The following ZNF423 variants were observed in gnomAD, a reference collection of about 807,000 sequenced individuals.
ZNF423 encodes Ebf-associated zinc finger protein.
Under a neutral mutation model 95.8 loss-of-function variants are expected in ZNF423, and 12 were observed. That is an observed-to-expected ratio of 0.13 (90% CI 0.08 to 0.20). ZNF423 has a LOEUF of 0.20. ZNF423 is among the 10% of genes least tolerant of loss of function. The pLI is 1.00. For synonymous variants in ZNF423, 749 were observed against 711.9 expected (o/e 1.05, Z -0.83); for missense variants, 1,316 against 1,737.1 (o/e 0.76, Z 4.31).
intron 5 of ZNF423, among the ~76,000 whole-genome samples, chr16:49,559,576 G>C (rs1456497301): frequency 6.6e-6 from 1 of 152,164 alleles, no homozygotes; most frequent in South Asian, 2.1e-4. Context: ...CCACTGAAAA[G>C]ACCAGGACTT....
intron 5 of ZNF423, among the ~76,000 whole-genome samples, chr16:49,616,430 C>T (rs1415217287): frequency 1.3e-5 from 2 of 151,932 alleles, no homozygotes; most frequent in Non-Finnish European, 2.9e-5. Context: ...AGGGTGACTA[C>T]AGTCAACAAT....
intron 7 of ZNF423, among the ~76,000 whole-genome samples, chr16:49,511,976 T>G (rs1324981288): frequency 2.0e-5 from 3 of 152,220 alleles, no homozygotes; most frequent in Non-Finnish European, 4.4e-5. Context: ...TGTGTAGCAC[T>G]TATGTTGTAT....
chr16:49,829,836 G>A (rs1023897237), intron 1 of ZNF423, among the ~76,000 whole-genome samples: 1 of 152,142 alleles, frequency 6.6e-6, no homozygotes, highest in Admixed American at 6.6e-5. Flanking sequence ...GGAAAAAAGA[G>A]ACAGGAATTC....
Position 49,702,878 on chromosome 16 carries a change from G to A in ZNF423, c.301+27893C>T, listed in dbSNP as rs542716855. 4.6e-5 allele frequency among the ~76,000 whole-genome samples: 7 copies of A among 151,674 alleles called. No individual in the cohort carries two copies. In the East Asian group the frequency reaches 1.2e-3, roughly 25 times the overall value. ...ACAGACCCATGTGTGCTGGAGGAGC[G>A]AGTGCCAAGCCAACCTGCCTGTGTG... On this transcript the variant is annotated intron_variant, in intron 3 of 7. Transcript: ENST00000563137.
In ZNF423 at chr16:49,490,768, T is replaced by C. The variant is rs1280490171; in HGVS notation, c.*507A>G. The C allele has an allele frequency of 6.4e-6, 1 of 156,028 alleles. No individual in the cohort carries two copies. Among genetic ancestry groups the C allele is most frequent in the Non-Finnish European group, 1.4e-5 (1 of 71,458 alleles). 9.7% of individuals were successfully genotyped at this position (156,028 alleles called of 1,614,324 possible). A position where few individuals can be genotyped will look rare whatever the true frequency, so the allele number is the denominator to read the frequency against. On this transcript the variant is annotated 3_prime_UTR_variant, in exon 8 of 8. Coordinates refer to ENST00000563137, the MANE Select transcript of ZNF423 (RefSeq NM_001379286.1). Reference sequence around the variant, plus strand: ...CAAATCCAATCAAAGCATTAGTCTTTAATTAAAAAATTAAAAGGAAATATT... The same window carrying C: ...CAAATCCAATCAAAGCATTAGTCTTCAATTAAAAAATTAAAAGGAAATATT...
At chr16:49,766,022 T>C (rs2143674138) in intron 2 of ZNF423, among the ~76,000 whole-genome samples, 1 of 152,320 alleles carries the variant, frequency 6.6e-6, no homozygotes, top group Non-Finnish European at 1.5e-5. Flanking sequence ...TGCACGAGAA[T>C]GTGAATGTAC....
chr16:49,845,232 G>T (rs1183431172), intron 1 of ZNF423, among the ~76,000 whole-genome samples: 1 of 150,958 alleles, frequency 6.6e-6, no homozygotes, highest in Admixed American at 6.6e-5. Flanking sequence ...AGCCTCCTGG[G>T]TAGCTGAGAT....
intron 5 of ZNF423, among the ~76,000 whole-genome samples, chr16:49,586,211 T>A (rs1234398400): frequency 6.6e-6 from 1 of 152,144 alleles, no homozygotes; most frequent in Admixed American, 6.5e-5. Flanking sequence ...CCCGCCTGCG[T>A]CGCTGACAGA....
At chr16:49,771,186 T>TTTCTTC in intron 2 of ZNF423, among the ~76,000 whole-genome samples, 1 of 142,148 alleles carries the variant, frequency 7.0e-6, no homozygotes, top group Non-Finnish European at 1.5e-5. Flanking sequence ...TTTCTTTTTT[T>TTTCTTC]TTTTTCTTTT....
At chr16:49,750,219 C>T (rs1035392500) in intron 2 of ZNF423, among the ~76,000 whole-genome samples, 2 of 152,208 alleles carry the variant, frequency 1.3e-5, no homozygotes, top group Non-Finnish European at 1.5e-5. Context: ...TCTCAGTTGG[C>T]GGCTTCCTCT....
intron 1 of ZNF423, among the ~76,000 whole-genome samples, chr16:49,815,872 A>AACAAAC (rs71138008): frequency 0.057 from 2,012 of 35,336 alleles, 48 homozygotes; most frequent in Non-Finnish European, 0.08. Context: ...CAAACAAACA[A>AACAAAC]AAAAAAAAAA....
At chr16:49,689,580 T>C (rs2031701656) in intron 3 of ZNF423, among the ~76,000 whole-genome samples, 1 of 152,050 alleles carries the variant, frequency 6.6e-6, no homozygotes, top group Admixed American at 6.5e-5. Flanking sequence ...GGTGTCACAG[T>C]GTCTGTGACG....
intron 7 of ZNF423, chr16:49,517,876 T>C: frequency 2.3e-6 from 1 of 443,350 alleles, no homozygotes; most frequent in South Asian, 1.6e-5. Context: ...TTTATTCCAT[T>C]TAAGACTAAC....
At chr16:49,663,444 T>C (rs1414946172) in intron 3 of ZNF423, among the ~76,000 whole-genome samples, 1 of 151,786 alleles carries the variant, frequency 6.6e-6, no homozygotes, top group South Asian at 2.1e-4. Context: ...TAGTCTGGCA[T>C]TCAGTACTTC....
chr16:49,545,527 C>A (rs1969408253), intron 5 of ZNF423, among the ~76,000 whole-genome samples: 1 of 152,174 alleles, frequency 6.6e-6, no homozygotes, highest in African/African-American at 2.4e-5. Context: ...GCCAGGGTGA[C>A]CCCCCACTCT....
chr16:49,579,987 C>T (rs1970618447), intron 5 of ZNF423, among the ~76,000 whole-genome samples: 2 of 152,304 alleles, frequency 1.3e-5, no homozygotes, highest in Non-Finnish European at 1.5e-5. Context: ...CTGTCATCTC[C>T]AGCCAGTACA....
intron 2 of ZNF423, among the ~76,000 whole-genome samples, chr16:49,746,897 C>A (rs943652473): frequency 1.3e-5 from 2 of 152,206 alleles, no homozygotes; most frequent in Non-Finnish European, 2.9e-5. Context: ...AGTTGTGGCA[C>A]CCCTAGCCGT....
intron 2 of ZNF423, among the ~76,000 whole-genome samples, chr16:49,745,576 G>A (rs1445326972): frequency 6.6e-6 from 1 of 152,210 alleles, no homozygotes; most frequent in East Asian, 1.9e-4. Context: ...GTACCTGACT[G>A]TCTATTGTGA....
intron 2 of ZNF423, among the ~76,000 whole-genome samples, chr16:49,754,768 G>T (rs1468812856): frequency 6.6e-6 from 1 of 152,228 alleles, no homozygotes; most frequent in African/African-American, 2.4e-5. Flanking sequence ...CAATCATTAT[G>T]GGGGGCTTGC....
Sources: gnomAD v4.1 joint callset for allele counts (sites outside exome capture counted in the v4.1 genomes callset) on GRCh38, gnomAD v4.1.1 for gene constraint, MANE v1.5 for transcripts, NCBI Gene and HGNC (gene_info 2026-07-23, HGNC 2026-07-21) for gene names.